Variants in DLG2 observed in about 807,000 individuals in gnomAD.
The protein encoded by DLG2 is disks large homolog 2.
A neutral mutation model predicts 132.5 loss-of-function variants in DLG2; 45 were observed. That is an observed-to-expected ratio of 0.34 (90% CI 0.27 to 0.44). DLG2 has a LOEUF of 0.44. Ranked by LOEUF, DLG2 falls within the 20% of genes least tolerant of loss-of-function variation. The pLI, the probability that DLG2 is intolerant of heterozygous loss-of-function variation, is 1.00. For missense variants in DLG2, 1,045 were observed against 1,196.9 expected (o/e 0.87, Z 1.87); for synonymous variants, 424 against 419.6 (o/e 1.01, Z -0.13).
chr11:83,833,324 G>T (rs1191439364), intron 17 of DLG2, among the ~76,000 whole-genome samples: 1 of 152,064 alleles, frequency 6.6e-6, no homozygotes, highest in African/African-American at 2.4e-5. Context: ...TATAATCTCA[G>T]CTACTCAGGA....
At chr11:84,282,513 G>A (rs1269654153) in intron 7 of DLG2, among the ~76,000 whole-genome samples, 1 of 152,100 alleles carries the variant, frequency 6.6e-6, no homozygotes, top group African/African-American at 2.4e-5. Context: ...GTACCTCAGT[G>A]AAGCTATTTA....
At chr11:83,746,592 G>A (rs1277705151) in intron 18 of DLG2, among the ~76,000 whole-genome samples, 2 of 151,568 alleles carry the variant, frequency 1.3e-5, no homozygotes, top group Non-Finnish European at 1.5e-5. Context: ...TGGGGGGAGC[G>A]GGGAGGGATA....
At chr11:83,484,834 A>G (rs2093400067) in intron 21 of DLG2, among the ~76,000 whole-genome samples, 1 of 152,186 alleles carries the variant, frequency 6.6e-6, no homozygotes, top group African/African-American at 2.4e-5. Flanking sequence ...TTATGGTATA[A>G]TTACAGACTG....
rs1041634112 is a variant in DLG2 at position 83,457,932 on chromosome 11, T to G, written c.*1886A>C. On this transcript the variant is annotated 3_prime_UTR_variant, in exon 28 of 28. Coordinates refer to ENST00000376104, the MANE Select transcript of DLG2 (RefSeq NM_001142699.3). ...CATAATTTTGCATTTCTGTTTTGTT[T>G]TGGTGACTGTAGCCAGGCAGACAAT... is the stretch of plus-strand genomic sequence containing the variant. 5 of 152,614 alleles carry G rather than the reference T, an allele frequency of 3.3e-5. No individual in the cohort carries two copies. Among genetic ancestry groups the G allele is most frequent in the Non-Finnish European group, 7.3e-5 (5 of 68,030 alleles). 9.5% of individuals were successfully genotyped at this position (152,614 alleles called of 1,614,324 possible). A position where few individuals can be genotyped will look rare whatever the true frequency, so the allele number is the denominator to read the frequency against.
At chr11:84,986,027 GAAGAT>G (rs2056440079) in intron 6 of DLG2, among the ~76,000 whole-genome samples, 1 of 121,750 alleles carries the variant, frequency 8.2e-6, no homozygotes, top group African/African-American at 3.0e-5. Context: ...AAGATGAAGA[GAAGAT>G]AACTAAAATT....
intron 6 of DLG2, among the ~76,000 whole-genome samples, chr11:85,090,281 T>C (rs978925533): frequency 3.9e-5 from 6 of 152,220 alleles, no homozygotes; most frequent in African/African-American, 1.4e-4. Flanking sequence ...GGTAAAACTT[T>C]CATTTACTCT....
At chr11:84,086,416 A>G (rs932025787) in intron 10 of DLG2, among the ~76,000 whole-genome samples, 4 of 152,000 alleles carry the variant, frequency 2.6e-5, no homozygotes, top group African/African-American at 9.7e-5. Flanking sequence ...TTTTTAGTAC[A>G]GTCACAGAGT....
At chr11:83,542,185 C>T (rs1290667622) in intron 19 of DLG2, among the ~76,000 whole-genome samples, 1 of 151,972 alleles carries the variant, frequency 6.6e-6, no homozygotes, top group Non-Finnish European at 1.5e-5. Flanking sequence ...TTTTTTTCCC[C>T]TCCCATTACA....
rs759064263 is a variant in DLG2, at chr11:83,786,610, T to C, written c.1825+80A>G. 21 of 1,264,394 alleles carry C rather than the reference T, an allele frequency of 1.7e-5. No individual in the cohort carries two copies. The Admixed American group carries it at 1.8e-4, about 11-fold the overall frequency. 78.3% of individuals were successfully genotyped at this position (1,264,394 alleles called of 1,614,324 possible). A position where few individuals can be genotyped will look rare whatever the true frequency, so the allele number is the denominator to read the frequency against. On this transcript the variant is annotated intron_variant, in intron 18 of 27. Transcript: ENST00000376104. ...AAAACACCAATGATGGTGACTCTAG[T>C]TAATAAAAATTATTAGTAATGAGGG... is the stretch of plus-strand genomic sequence containing the variant.
chr11:84,733,032 A>G (rs903106913), intron 6 of DLG2, among the ~76,000 whole-genome samples: 5 of 151,984 alleles, frequency 3.3e-5, no homozygotes, highest in South Asian at 2.1e-4. Context: ...TCTTAATCCA[A>G]TCTATCATTG....
chr11:84,448,828 G>A (rs748685987), intron 7 of DLG2, among the ~76,000 whole-genome samples: 7 of 151,686 alleles, frequency 4.6e-5, no homozygotes, highest in Admixed American at 6.6e-5. Flanking sequence ...TCGTATCCTC[G>A]GAGACCTACA....
At chr11:84,633,020 C>T (rs1029286754) in intron 6 of DLG2, among the ~76,000 whole-genome samples, 1 of 152,150 alleles carries the variant, frequency 6.6e-6, no homozygotes, top group Admixed American at 6.5e-5. Flanking sequence ...AAATAGGACT[C>T]TGCTCCTGAG....
rs34283629 is a variant in DLG2 at position 84,079,278 on chromosome 11, G to GTTTT, written c.749+19641_749+19644dup. The stretch of plus-strand genomic sequence containing the variant: ...CTATAATAGCTTCTATTTTTGGTTT[G>GTTTT]TTTTTTTTTTTGTTTTTCTTTTTGA... On this transcript the variant is annotated intron_variant, in intron 10 of 27. Coordinates refer to ENST00000376104, the MANE Select transcript of DLG2 (RefSeq NM_001142699.3). Among the ~76,000 whole-genome samples the GTTTT allele has an allele frequency of 3.4e-3, 496 of 147,302 alleles. 1 individual carries two copies. The Middle Eastern group carries it at 0.039, about 12-fold the overall frequency.
intron 3 of DLG2, among the ~76,000 whole-genome samples, chr11:85,344,691 C>T (rs2082710772): frequency 6.6e-6 from 1 of 152,056 alleles, no homozygotes; most frequent in Non-Finnish European, 1.5e-5. Flanking sequence ...TCTCAAACTG[C>T]CTTCCAGGTG....
chr11:83,866,167 G>C (rs959213876), intron 16 of DLG2, among the ~76,000 whole-genome samples: 2 of 151,976 alleles, frequency 1.3e-5, no homozygotes, highest in Admixed American at 1.3e-4. Flanking sequence ...CCCAGACTGA[G>C]GACAGAGTCA....
chr11:84,957,870 A>G (rs1189898818), intron 6 of DLG2, among the ~76,000 whole-genome samples: 1 of 152,198 alleles, frequency 6.6e-6, no homozygotes, highest in Admixed American at 6.5e-5. Flanking sequence ...AACAAAAGAT[A>G]CCATATTCAT....
intron 6 of DLG2, among the ~76,000 whole-genome samples, chr11:84,593,780 A>C (rs2099549752): frequency 6.6e-6 from 1 of 152,228 alleles, no homozygotes; most frequent in Non-Finnish European, 1.5e-5. Flanking sequence ...CATGTATCCC[A>C]GAACTTAAAG....
At chr11:84,945,761 T>C (rs1156822262) in intron 6 of DLG2, among the ~76,000 whole-genome samples, 2 of 152,274 alleles carry the variant, frequency 1.3e-5, no homozygotes, top group Admixed American at 1.3e-4. Flanking sequence ...CCACCCTTGC[T>C]GGTGTATCAC....
chr11:84,295,852 C>T (rs989755013), intron 7 of DLG2, among the ~76,000 whole-genome samples: 2 of 152,322 alleles, frequency 1.3e-5, no homozygotes, highest in South Asian at 4.1e-4. Flanking sequence ...TTGAAATACA[C>T]AGCTTACAGA....
Sources: allele counts gnomAD v4.1 joint callset (sites outside exome capture counted in the v4.1 genomes callset), GRCh38; gene constraint gnomAD v4.1.1; transcripts MANE v1.5; gene names NCBI Gene and HGNC (gene_info 2026-07-23, HGNC 2026-07-21).